The following USH2A variants were observed in gnomAD, a reference collection of about 807,000 sequenced individuals.
USH2A encodes the protein usherin.
In USH2A, 443 loss-of-function variants were observed where a neutral mutation model predicts 538.9. That is an observed-to-expected ratio of 0.82 (90% CI 0.76 to 0.89). The LOEUF is 0.89. Ranked by LOEUF, USH2A falls within the 40% of genes least tolerant of loss-of-function variation. USH2A has a pLI of 0.00. For synonymous variants in USH2A, 2,413 were observed against 2,273.5 expected, an observed-to-expected ratio of 1.06 and a Z score of -1.75; for missense variants, 6,633 against 6,324.8, an observed-to-expected ratio of 1.05 and a Z score of -1.65.
chr1:216,160,224 G>C (rs945703620), intron 21 of USH2A, among the ~76,000 whole-genome samples: 1 of 151,698 alleles, frequency 6.6e-6, no homozygotes. Flanking sequence ...GTTTCTTCTT[G>C]AGTGGGAAGC....
At chr1:216,296,674 G>T (rs963576039) in intron 9 of USH2A, among the ~76,000 whole-genome samples, 11 of 151,988 alleles carry the variant, frequency 7.2e-5, no homozygotes, top group Non-Finnish European at 1.2e-4. Flanking sequence ...ACTGTTAGGT[G>T]ATGATTTGCA....
intron 18 of USH2A, 97 bp from the exon 19 acceptor site, chr1:216,196,819 C>T: frequency 7.3e-7 from 1 of 1,369,872 alleles, no homozygotes; most frequent in Non-Finnish European, 1.0e-6. Context: ...TTCTGAAATA[C>T]CTTTACCTTT....
chr1:215,804,610 C>T lies in USH2A; in HGVS notation c.9740-5485G>A, dbSNP rs186425546. Among the ~76,000 whole-genome samples the T allele has an allele frequency of 5.7e-3, 837 of 147,588 alleles. 72 individuals are homozygous for T. The highest frequency in any genetic ancestry group is 0.02 in the African/African-American group (773 of 38,744). ...TACTATCTCACACCAGTTAGAATGG[C>T]GATCATTAAAAAGTCAGGAAACAAC... is the stretch of plus-strand genomic sequence containing the variant. On this transcript the variant is annotated intron_variant, in intron 49 of 71. Coordinates refer to ENST00000307340, the MANE Select transcript of USH2A (RefSeq NM_206933.4).
intron 32 of USH2A, among the ~76,000 whole-genome samples, chr1:216,006,149 T>C (rs1051282700): frequency 6.6e-6 from 1 of 152,146 alleles, no homozygotes; most frequent in African/African-American, 2.4e-5. Context: ...TCAAATGCAA[T>C]GCCCTTCACC....
intron 40 of USH2A, among the ~76,000 whole-genome samples, chr1:215,891,917 C>G (rs938632194): frequency 2.0e-5 from 3 of 152,154 alleles, no homozygotes; most frequent in Admixed American, 2.0e-4. Context: ...ACAGGAGCAT[C>G]CTTTCTGTCC....
chr1:216,354,102 C>T (rs1213354951), intron 4 of USH2A, among the ~76,000 whole-genome samples: 1 of 152,048 alleles, frequency 6.6e-6, no homozygotes, highest in African/African-American at 2.4e-5. Flanking sequence ...CAATTCTATC[C>T]ACAGATATCT....
chr1:215,702,922 G>A (rs534947000), intron 61 of USH2A, among the ~76,000 whole-genome samples: 20 of 152,042 alleles, frequency 1.3e-4, no homozygotes, highest in African/African-American at 4.1e-4. Flanking sequence ...GCCTTTTTGC[G>A]CTGGTTTACT....
intron 30 of USH2A, among the ~76,000 whole-genome samples, chr1:216,069,001 G>T (rs1481333246): frequency 6.6e-6 from 1 of 152,184 alleles, no homozygotes; most frequent in Non-Finnish European, 1.5e-5. Flanking sequence ...AACGTGTATA[G>T]TTTGGAAAAA....
intron 67 of USH2A, among the ~76,000 whole-genome samples, chr1:215,642,122 C>A (rs1042342693): frequency 1.3e-5 from 2 of 152,152 alleles, no homozygotes; most frequent in African/African-American, 4.8e-5. Flanking sequence ...GGTTTGGAGA[C>A]CTTCCTGAGG....
rs1419472589 is a variant in USH2A at position 215,900,267 on chromosome 1, TAA to T, written c.7452-52_7452-51del. 2.5e-6 allele frequency: 4 copies of T among 1,601,292 alleles called. No individual in the cohort carries two copies. The East Asian group carries it at 9.0e-5, about 36-fold the overall frequency. On this transcript the variant is annotated intron_variant, in intron 39 of 71. Coordinates refer to ENST00000307340, the MANE Select transcript of USH2A (RefSeq NM_206933.4). The stretch of plus-strand genomic sequence containing the variant: ...AGGAAGTTTTCGACATTCAAAGAAA[TAA>T]AAGCAAGTAAATTTCTTACTACAAA...
intron 55 of USH2A, among the ~76,000 whole-genome samples, chr1:215,776,265 G>A (rs144246828): frequency 1.1e-4 from 17 of 152,192 alleles, no homozygotes; most frequent in African/African-American, 3.9e-4. Flanking sequence ...CTACTCCTTC[G>A]TCCCCATGGT....
At chr1:216,025,732 C>T (rs983556206) in intron 32 of USH2A, among the ~76,000 whole-genome samples, 1 of 151,924 alleles carries the variant, frequency 6.6e-6, no homozygotes, top group Non-Finnish European at 1.5e-5. Flanking sequence ...AAAAACCATG[C>T]TTAACTTTAT....
chr1:216,174,322 AT>A, intron 21 of USH2A: 2 of 979,624 alleles, frequency 2.0e-6, no homozygotes, highest in Non-Finnish European at 2.4e-6. Flanking sequence ...TACTTTGTAA[AT>A]TTTTTTAAAA....
chr1:216,042,816 C>A, intron 32 of USH2A, among the ~76,000 whole-genome samples: 1 of 151,878 alleles, frequency 6.6e-6, no homozygotes, highest in East Asian at 1.9e-4. Flanking sequence ...AATCTGTGGT[C>A]GTAAGAGTGG....
intron 64 of USH2A, among the ~76,000 whole-genome samples, chr1:215,667,527 T>C (rs374723207): frequency 3.8e-4 from 57 of 151,872 alleles, no homozygotes; most frequent in African/African-American, 1.3e-3. Context: ...TGAAACCCCG[T>C]CTCTACTAAA....
chr1:215,964,142 G>A (rs1344913655), intron 37 of USH2A, among the ~76,000 whole-genome samples: 5 of 152,114 alleles, frequency 3.3e-5, no homozygotes, highest in African/African-American at 4.8e-5. Flanking sequence ...TTAAACACGA[G>A]GGGGAATATG....
At chr1:216,345,128 C>T (rs1449378467) in intron 4 of USH2A, among the ~76,000 whole-genome samples, 3 of 151,896 alleles carry the variant, frequency 2.0e-5, no homozygotes, top group Non-Finnish European at 4.4e-5. Flanking sequence ...ATTATTTTGC[C>T]TTCCCCACCC....
At chr1:215,891,297 T>G (rs1316826990) in intron 40 of USH2A, among the ~76,000 whole-genome samples, 1 of 152,204 alleles carries the variant, frequency 6.6e-6, no homozygotes, top group Non-Finnish European at 1.5e-5. Context: ...CTGAGTAGAT[T>G]CGCTGCTCTT....
intron 37 of USH2A, among the ~76,000 whole-genome samples, chr1:215,957,611 C>T (rs905939686): frequency 6.6e-5 from 10 of 152,032 alleles, no homozygotes; most frequent in Non-Finnish European, 1.3e-4. Context: ...AATATGTGGG[C>T]ATAAAAAGAA....
Sources: gnomAD v4.1 joint callset for allele counts (sites outside exome capture counted in the v4.1 genomes callset) on GRCh38, gnomAD v4.1.1 for gene constraint, MANE v1.5 for transcripts, NCBI Gene and HGNC (gene_info 2026-07-23, HGNC 2026-07-21) for gene names.